Variants in KCNIP4 observed in about 807,000 individuals in gnomAD.
The protein encoded by KCNIP4 is Kv channel-interacting protein 4.
KCNIP4 carries 12 observed loss-of-function variants against 34.0 expected under a neutral mutation model. That is an observed-to-expected ratio of 0.35 (90% CI 0.23 to 0.57). The LOEUF (loss-of-function observed/expected upper bound fraction) is 0.57, where lower values mean the gene tolerates loss of function less well. Ranked by LOEUF, KCNIP4 falls within the 20% of genes least tolerant of loss-of-function variation. The pLI, the probability that KCNIP4 is intolerant of heterozygous loss-of-function variation, is 0.83. For synonymous variants in KCNIP4, 124 were observed against 102.2 expected, an observed-to-expected ratio of 1.21 and a Z score of -1.29; for missense variants, 238 against 311.7, an observed-to-expected ratio of 0.76 and a Z score of 1.78.
intron 1 of KCNIP4, among the ~76,000 whole-genome samples, chr4:21,539,138 A>T (rs570167424): frequency 1.4e-4 from 22 of 152,254 alleles, no homozygotes; most frequent in African/African-American, 3.6e-4. Context: ...GCCATGCAGA[A>T]CTGTGAGTCA....
At position 20,758,858 on chromosome 4, in the gene KCNIP4, G is replaced by A; in HGVS notation, c.321C>T (p.Thr107=). 1.2e-6 allele frequency: 2 copies of A among 1,613,168 alleles called. No homozygotes were observed. Among genetic ancestry groups the A allele is most frequent in the Non-Finnish European group, 1.7e-6 (2 of 1,179,388 alleles). ...ECPSGVVNEE[T]FKEIYSQFFP... ...AGAACTGCGAGTAAATCTCTTTGAAGGTTTCTTCATTAACAACACCACTGG... is the reference window on the plus strand; with the variant it reads ...AGAACTGCGAGTAAATCTCTTTGAAAGTTTCTTCATTAACAACACCACTGG... Residue 107 remains threonine, a synonymous_variant, in exon 4 of 9, where the codon ACC becomes ACT. Transcript: ENST00000382152.
At chr4:21,900,334 C>T (rs1368561941) in intron 1 of KCNIP4, among the ~76,000 whole-genome samples, 1 of 152,098 alleles carries the variant, frequency 6.6e-6, no homozygotes, top group Non-Finnish European at 1.5e-5. Flanking sequence ...ACCAGAGTGT[C>T]CTATCTGATA....
At chr4:20,731,858 A>AGTGGTAG (rs1553883337) in intron 8 of KCNIP4, 148 bp downstream of exon 8, 1 of 1,408,014 alleles carries the variant, frequency 7.1e-7, no homozygotes, top group Non-Finnish European at 9.3e-7. Context: ...TTGTTTTCAG[A>AGTGGTAG]GTGGTAGGCT....
intron 1 of KCNIP4, among the ~76,000 whole-genome samples, chr4:21,295,931 T>G (rs1436288369): frequency 1.3e-5 from 2 of 151,780 alleles, no homozygotes; most frequent in Non-Finnish European, 2.9e-5. Flanking sequence ...AATGAATGAA[T>G]GAATGAATGA....
intron 1 of KCNIP4, among the ~76,000 whole-genome samples, chr4:21,722,110 GCT>G: frequency 6.6e-6 from 1 of 152,100 alleles, no homozygotes; most frequent in Non-Finnish European, 1.5e-5. Context: ...ATTCTATTGA[GCT>G]CATTATTCAG....
At chr4:20,990,863 G>A (rs545487106) in intron 1 of KCNIP4, among the ~76,000 whole-genome samples, 10 of 152,228 alleles carry the variant, frequency 6.6e-5, no homozygotes, top group Admixed American at 3.3e-4. Context: ...CTTTAAGGCC[G>A]TGATTCTCCA....
intron 1 of KCNIP4, among the ~76,000 whole-genome samples, chr4:21,754,121 C>G (rs1246330565): frequency 2.0e-5 from 3 of 152,196 alleles, no homozygotes; most frequent in African/African-American, 7.2e-5. Context: ...AGCCATCTTA[C>G]AAAGCATTGT....
intron 1 of KCNIP4, among the ~76,000 whole-genome samples, chr4:21,918,787 T>C (rs1048498705): frequency 6.6e-6 from 1 of 152,068 alleles, no homozygotes; most frequent in Non-Finnish European, 1.5e-5. Context: ...GGGGATGAAA[T>C]TTTCATGGGC....
intron 1 of KCNIP4, among the ~76,000 whole-genome samples, chr4:21,366,134 G>A (rs777104520): frequency 5.1e-4 from 78 of 152,144 alleles, no homozygotes; most frequent in Non-Finnish European, 7.6e-4. Context: ...TTCTCCTAAT[G>A]TTAAAATGCA....
At chr4:21,098,732 A>C (rs1054976848) in intron 1 of KCNIP4, among the ~76,000 whole-genome samples, 1 of 152,206 alleles carries the variant, frequency 6.6e-6, no homozygotes, top group Non-Finnish European at 1.5e-5. Flanking sequence ...TGTTGTTTTC[A>C]CACCTGCTAA....
intron 1 of KCNIP4, among the ~76,000 whole-genome samples, chr4:21,676,204 C>T (rs764488228): frequency 2.0e-5 from 3 of 152,136 alleles, no homozygotes; most frequent in Non-Finnish European, 4.4e-5. Context: ...ATTTTACTTC[C>T]CACAGTCAGA....
At chr4:20,927,871 C>T (rs1051257890) in intron 1 of KCNIP4, among the ~76,000 whole-genome samples, 2 of 152,084 alleles carry the variant, frequency 1.3e-5, no homozygotes, top group Non-Finnish European at 2.9e-5. Context: ...GACAACAATG[C>T]AACAGCATCT....
chr4:21,048,490 C>T (rs1023203274), intron 1 of KCNIP4, among the ~76,000 whole-genome samples: 1 of 152,166 alleles, frequency 6.6e-6, no homozygotes, highest in African/African-American at 2.4e-5. Flanking sequence ...TGTCACATTA[C>T]CTCACAGAAC....
At chr4:20,976,502 G>C (rs1217686286) in intron 1 of KCNIP4, among the ~76,000 whole-genome samples, 1 of 152,140 alleles carries the variant, frequency 6.6e-6, no homozygotes, top group African/African-American at 2.4e-5. Context: ...CCCATTATAT[G>C]GAAAAGGAAA....
chr4:21,044,679 C>A (rs981050216), intron 1 of KCNIP4, among the ~76,000 whole-genome samples: 5 of 152,166 alleles, frequency 3.3e-5, no homozygotes, highest in African/African-American at 1.2e-4. Flanking sequence ...AACCACCTAC[C>A]CTACCAGTAT....
chr4:20,991,661 T>G (rs1250939833), intron 1 of KCNIP4, among the ~76,000 whole-genome samples: 1 of 152,214 alleles, frequency 6.6e-6, no homozygotes, highest in Non-Finnish European at 1.5e-5. Context: ...TCCACCAGTC[T>G]ATGCGTCTCT....
At chr4:21,070,964 C>G (rs1420147690) in intron 1 of KCNIP4, among the ~76,000 whole-genome samples, 1 of 151,940 alleles carries the variant, frequency 6.6e-6, no homozygotes, top group African/African-American at 2.4e-5. Flanking sequence ...CTTGAGCCAC[C>G]ATGCCTGGCC....
chr4:21,384,026 C>A (rs1721783366), intron 1 of KCNIP4, among the ~76,000 whole-genome samples: 1 of 152,112 alleles, frequency 6.6e-6, no homozygotes, highest in Non-Finnish European at 1.5e-5. Flanking sequence ...TGCAGGGCCA[C>A]AAGAGCACGC....
At chr4:20,867,086 T>C (rs1323368668) in intron 2 of KCNIP4, among the ~76,000 whole-genome samples, 1 of 152,040 alleles carries the variant, frequency 6.6e-6, no homozygotes. Context: ...TACTGCCCAA[T>C]GCAATTTATA....
Sources: allele counts gnomAD v4.1 joint callset (sites outside exome capture counted in the v4.1 genomes callset), GRCh38; gene constraint gnomAD v4.1.1; transcripts MANE v1.5; gene names NCBI Gene and HGNC (gene_info 2026-07-23, HGNC 2026-07-21).